IL20RB: variants seen among roughly 807,000 people sequenced by gnomAD.
IL20RB encodes the protein interleukin-20 receptor subunit beta.
Under a neutral mutation model 33.3 loss-of-function variants are expected in IL20RB, and 21 were observed. That is an observed-to-expected ratio of 0.63 (90% CI 0.45 to 0.91). IL20RB has a LOEUF of 0.91. Ranked by LOEUF, IL20RB falls within the 40% of genes least tolerant of loss-of-function variation. The pLI is 0.00. For synonymous variants in IL20RB, 147 were observed against 146.8 expected (o/e 1.00, Z -0.01); for missense variants, 345 against 384.8 (o/e 0.90, Z 0.86).
chr3:136,977,676 C>G (rs748060348), intron 1 of IL20RB, among the ~76,000 whole-genome samples: 1 of 152,136 alleles, frequency 6.6e-6, no homozygotes, highest in Non-Finnish European at 1.5e-5. Flanking sequence ...CAGGCACGCA[C>G]TACCACGCCC....
intron 6 of IL20RB, 31 bp from the exon 7 acceptor site, chr3:137,010,082 C>G (rs745825055): frequency 4.1e-6 from 4 of 981,956 alleles, no homozygotes; most frequent in South Asian, 1.3e-5. Flanking sequence ...CTGCTATCCT[C>G]TAATGAATAT....
chr3:136,994,831 C>T (rs1236134377), intron 5 of IL20RB, among the ~76,000 whole-genome samples: 1 of 152,164 alleles, frequency 6.6e-6, no homozygotes, highest in Non-Finnish European at 1.5e-5. Flanking sequence ...GGGATACTCA[C>T]ACTCATTGTG....
intron 1 of IL20RB, among the ~76,000 whole-genome samples, chr3:136,958,824 A>C (rs1223229618): frequency 6.6e-6 from 1 of 152,094 alleles, no homozygotes; most frequent in Admixed American, 6.6e-5. Flanking sequence ...ATGTTTGTTC[A>C]TGTCAAATCA....
chr3:136,980,714 T>A, intron 2 of IL20RB, 122 bp downstream of exon 2: 1 of 968,932 alleles, frequency 1.0e-6, no homozygotes, highest in Non-Finnish European at 1.6e-6. Context: ...CCCAAAGATC[T>A]ACCCCCTCTG....
chr3:137,003,617 G>C (rs1942290125), intron 6 of IL20RB, among the ~76,000 whole-genome samples: 1 of 152,146 alleles, frequency 6.6e-6, no homozygotes, highest in African/African-American at 2.4e-5. Context: ...CATCGATTTT[G>C]TATCCTGAGG....
At chr3:136,972,537 G>A (rs546919617) in intron 1 of IL20RB, among the ~76,000 whole-genome samples, 1 of 152,168 alleles carries the variant, frequency 6.6e-6, no homozygotes, top group East Asian at 1.9e-4. Flanking sequence ...TTGGTAGGTT[G>A]TTTGTGTCCA....
At position 136,981,135 on chromosome 3, in the gene IL20RB, A is replaced by G. The variant is rs1329998892; in HGVS notation, c.215+543A>G. On this transcript the variant is annotated intron_variant, in intron 2 of 6. Transcript: ENST00000329582. The stretch of plus-strand genomic sequence containing the variant: ...CACCTACATGTGTAGACATTCTTCT[A>G]GGCTCAGGGATACAGTTGACAAGGT... 7.2e-5 allele frequency among the ~76,000 whole-genome samples: 11 copies of G among 152,198 alleles called. 1 individual carries two copies. The highest frequency in any genetic ancestry group is 6.5e-4 in the Admixed American group (10 of 15,282).
chr3:136,985,203 G>T (rs1941870736), intron 3 of IL20RB, among the ~76,000 whole-genome samples: 1 of 152,160 alleles, frequency 6.6e-6, no homozygotes, highest in Admixed American at 6.5e-5. Flanking sequence ...GGCTGGGATG[G>T]TGTCATGATC....
intron 1 of IL20RB, among the ~76,000 whole-genome samples, chr3:136,974,954 T>C (rs1941579848): frequency 6.6e-6 from 1 of 152,204 alleles, no homozygotes; most frequent in African/African-American, 2.4e-5. Context: ...AGAATTTCTA[T>C]TGGTTCTTTT....
intron 1 of IL20RB, among the ~76,000 whole-genome samples, chr3:136,963,379 A>G (rs1278563572): frequency 6.6e-6 from 1 of 152,234 alleles, no homozygotes; most frequent in Non-Finnish European, 1.5e-5. Context: ...CTATTTTGAA[A>G]AAGAGTATCA....
At chr3:136,976,856 G>C (rs1372973867) in intron 1 of IL20RB, among the ~76,000 whole-genome samples, 2 of 152,180 alleles carry the variant, frequency 1.3e-5, no homozygotes, top group African/African-American at 4.8e-5. Context: ...GGACAATTTT[G>C]TCCCCCAATC....
At chr3:136,961,093 A>G in intron 1 of IL20RB, among the ~76,000 whole-genome samples, 1 of 152,234 alleles carries the variant, frequency 6.6e-6, no homozygotes, top group Non-Finnish European at 1.5e-5. Flanking sequence ...AAAGGGTCTA[A>G]TTTAAAGACG....
At chr3:137,002,016 C>T (rs960487974) in intron 6 of IL20RB, among the ~76,000 whole-genome samples, 3 of 152,132 alleles carry the variant, frequency 2.0e-5, no homozygotes, top group Admixed American at 6.6e-5. Flanking sequence ...TGAGTGAGAA[C>T]ATGCGGTGTT....
Position 136,989,487 on chromosome 3 carries a change from C to T in IL20RB, c.453C>T (p.His151=), listed in dbSNP as rs148720379. 1.2e-6 allele frequency: 2 copies of T among 1,614,048 alleles called. No individual in the cohort carries two copies. The highest frequency in any genetic ancestry group is 1.7e-6 in the Non-Finnish European group (2 of 1,179,934). ...PGMEITKDGF[H]LVIELEDLGP... ...TGGAGATCACCAAAGATGGCTTCCA[C>T]CTGGTTATTGAGCTGGAGGACCTGG... is the stretch of plus-strand genomic sequence containing the variant. Residue 151 remains histidine, a synonymous_variant, in exon 4 of 7, where the codon CAC becomes CAT. Coordinates refer to ENST00000329582, the MANE Select transcript of IL20RB (RefSeq NM_144717.4).
chr3:136,976,261 G>C (rs1941615687), intron 1 of IL20RB, among the ~76,000 whole-genome samples: 1 of 152,190 alleles, frequency 6.6e-6, no homozygotes, highest in Non-Finnish European at 1.5e-5. Context: ...GCCCTTCAAT[G>C]GTGGGAGCAG....
chr3:136,960,304 C>G (rs867805003), intron 1 of IL20RB, among the ~76,000 whole-genome samples: 4 of 151,912 alleles, frequency 2.6e-5, no homozygotes, highest in Admixed American at 2.0e-4. Flanking sequence ...CACGCCACCA[C>G]GCCCAGCTAA....
intron 1 of IL20RB, among the ~76,000 whole-genome samples, chr3:136,959,716 A>G (rs1941165849): frequency 6.6e-6 from 1 of 152,198 alleles, no homozygotes; most frequent in Non-Finnish European, 1.5e-5. Context: ...AAACTTACAT[A>G]GAAAACACAC....
intron 1 of IL20RB, among the ~76,000 whole-genome samples, chr3:136,979,230 A>C (rs559081353): frequency 9.9e-5 from 15 of 152,254 alleles, no homozygotes; most frequent in Admixed American, 7.2e-4. Flanking sequence ...AGAACAGACC[A>C]TGGATGCTGA....
At chr3:136,982,627 A>T (rs575241448) in intron 3 of IL20RB, among the ~76,000 whole-genome samples, 1 of 152,280 alleles carries the variant, frequency 6.6e-6, no homozygotes, top group South Asian at 2.1e-4. Flanking sequence ...CTGGAAGGAA[A>T]GCTGCTCTGG....
Sources: gnomAD v4.1 joint callset for allele counts (sites outside exome capture counted in the v4.1 genomes callset) on GRCh38, gnomAD v4.1.1 for gene constraint, MANE v1.5 for transcripts, NCBI Gene and HGNC (gene_info 2026-07-23, HGNC 2026-07-21) for gene names.